CDIP1: variants seen among roughly 807,000 people sequenced by gnomAD.
CDIP1 encodes the protein cell death inducing p53 target 1.
CDIP1 carries 9 observed loss-of-function variants against 17.7 expected under a neutral mutation model. The ratio of observed to expected loss-of-function variants is 0.51; its 90% CI spans 0.31 to 0.89. CDIP1 has a LOEUF of 0.89. Ranked by LOEUF, CDIP1 falls within the 40% of genes least tolerant of loss-of-function variation. The pLI is 0.05. For synonymous variants in CDIP1, 117 were observed against 109.5 expected, an observed-to-expected ratio of 1.07 and a Z score of -0.43; for missense variants, 263 against 277.9, an observed-to-expected ratio of 0.95 and a Z score of 0.38.
intron 1 of CDIP1, among the ~76,000 whole-genome samples, chr16:4,519,626 G>A (rs2058923976): frequency 6.6e-6 from 1 of 152,198 alleles, no homozygotes; most frequent in African/African-American, 2.4e-5. Flanking sequence ...CAGTTTTGAT[G>A]ACTGATGGTG....
chr16:4,535,071 C>T (rs1282439834), intron 1 of CDIP1, among the ~76,000 whole-genome samples: 1 of 152,106 alleles, frequency 6.6e-6, no homozygotes, highest in African/African-American at 2.4e-5. Context: ...TGAAGTAATA[C>T]GGGTTGAAAT....
chr16:4,529,360 G>C (rs1273804542), intron 1 of CDIP1, among the ~76,000 whole-genome samples: 1 of 152,208 alleles, frequency 6.6e-6, no homozygotes. Context: ...AAAAACGAGT[G>C]ATAGAGCCCA....
intron 1 of CDIP1, among the ~76,000 whole-genome samples, chr16:4,520,936 T>C (rs1019853757): frequency 6.6e-6 from 1 of 152,210 alleles, no homozygotes; most frequent in Admixed American, 6.5e-5. Flanking sequence ...TTCAAATGAA[T>C]GCACGTGTGC....
intron 1 of CDIP1, among the ~76,000 whole-genome samples, chr16:4,523,342 C>A (rs374035940): frequency 2.6e-5 from 4 of 152,098 alleles, no homozygotes; most frequent in Non-Finnish European, 5.9e-5. Context: ...GGTGAAACCC[C>A]GTCTCTACTA....
intron 1 of CDIP1, among the ~76,000 whole-genome samples, chr16:4,536,055 T>C (rs1364247699): frequency 6.6e-6 from 1 of 152,238 alleles, no homozygotes; most frequent in Non-Finnish European, 1.5e-5. Flanking sequence ...GCCAAGGTCC[T>C]CTGCAGAGCT....
At position 4,513,162 on chromosome 16, in the gene CDIP1, C is replaced by T. The variant is rs2058851281; in HGVS notation, c.242-98G>A. On this transcript the variant is annotated intron_variant, in intron 4 of 5. Transcript: ENST00000567695. The surrounding 1 kb of genome is among the most constrained non-coding windows in gnomAD (Gnocchi z 4.1). ...AAGCCCCACGGTCCACAGCGCCCAG[C>T]GTGCAAGGCTACGCCTCAGACCTCC... The T allele has an allele frequency of 8.6e-6, 11 of 1,274,102 alleles. No individual in the cohort carries two copies. The highest frequency in any genetic ancestry group is 5.5e-5 in the Admixed American group (2 of 36,204). 78.9% of individuals were successfully genotyped at this position (1,274,102 alleles called of 1,614,324 possible).
intron 1 of CDIP1, among the ~76,000 whole-genome samples, chr16:4,518,821 T>C (rs1419067991): frequency 6.6e-6 from 1 of 152,204 alleles, no homozygotes; most frequent in Non-Finnish European, 1.5e-5. Context: ...CGAGTACTGT[T>C]CAAATTAAGC....
At chr16:4,536,770 T>C (rs1273828239) in intron 1 of CDIP1, 1 of 20,692 alleles carries the variant, frequency 4.8e-5, no homozygotes, top group Admixed American at 5.7e-4. Context: ...ATGCCATCTC[T>C]ACAAAAAAAA....
chr16:4,520,215 G>A (rs766336469), intron 1 of CDIP1, among the ~76,000 whole-genome samples: 8 of 151,806 alleles, frequency 5.3e-5, no homozygotes, highest in Non-Finnish European at 8.8e-5. Flanking sequence ...GGGTTCAAGC[G>A]ATTCTCCTGC....
intron 1 of CDIP1, among the ~76,000 whole-genome samples, chr16:4,527,476 A>G (rs764484757): frequency 2.6e-5 from 4 of 152,212 alleles, no homozygotes; most frequent in African/African-American, 9.6e-5. Flanking sequence ...GCCTCTAGGA[A>G]CTATGATGAT....
At position 4,514,213 on chromosome 16, in the gene CDIP1, G is replaced by C; in HGVS notation, c.-14-69C>G. 1 of 909,032 alleles carries C rather than the reference G, an allele frequency of 1.1e-6. No homozygotes were observed. The highest frequency in any genetic ancestry group is 2.2e-4 in the Middle Eastern group (1 of 4,536). The allele number at this position is 909,032 out of a possible 1,614,324, so 56.3% of individuals were successfully genotyped here. A position where few individuals can be genotyped will look rare whatever the true frequency, so the allele number is the denominator to read the frequency against. On this transcript the variant is annotated intron_variant, in intron 2 of 5. Transcript: ENST00000567695. This position sits in a 1 kb window ranked among gnomAD's most constrained non-coding sequence, Gnocchi z 5.2. ...CAGGTTCCTTCTCCTTCAGCCCTGT[G>C]GGGTGGCCAAGATGCTGCACAAGGC...
chr16:4,532,268 T>C (rs898463861), intron 1 of CDIP1: 2 of 152,242 alleles, frequency 1.3e-5, no homozygotes, highest in Non-Finnish European at 2.9e-5. Flanking sequence ...CCACACACTA[T>C]GCGTGAGGCA....
intron 1 of CDIP1, among the ~76,000 whole-genome samples, chr16:4,518,931 C>T (rs1328292256): frequency 6.6e-6 from 1 of 152,156 alleles, no homozygotes; most frequent in Non-Finnish European, 1.5e-5. Context: ...GGGATCTGCC[C>T]AGTTCCCAAC....
rs117229454 is a variant in CDIP1, at chr16:4,512,706, C to T, written c.516-23G>A. 18,639 of 1,609,334 alleles carry T rather than the reference C, an allele frequency of 0.012. 151 individuals carry two copies. Among genetic ancestry groups the T allele is most frequent in the Admixed American group, 0.014 (818 of 59,916 alleles). On this transcript the variant is annotated intron_variant, in intron 5 of 5. Coordinates refer to ENST00000567695, the MANE Select transcript of CDIP1 (RefSeq NM_013399.3). This position sits in a 1 kb window ranked among gnomAD's most constrained non-coding sequence, Gnocchi z 4.6. ...CATCTGAATCAGAGACAGGGAAGAA[C>T]AGGCTGAGGCCTGCTGCGGAGGAGG...
rs1319315143 is a variant in CDIP1 at position 4,514,190 on chromosome 16, G to C, written c.-14-46C>G. The C allele has an allele frequency of 8.6e-7, 1 of 1,157,334 alleles. No homozygotes were observed. The highest frequency in any genetic ancestry group is 1.2e-6 in the Non-Finnish European group (1 of 826,650). The allele number at this position is 1,157,334 out of a possible 1,614,324, so 71.7% of individuals were successfully genotyped here. On this transcript the variant is annotated intron_variant, in intron 2 of 5. Coordinates refer to ENST00000567695, the MANE Select transcript of CDIP1 (RefSeq NM_013399.3). This position sits in a 1 kb window ranked among gnomAD's most constrained non-coding sequence, Gnocchi z 5.2. ...CAGACATGAACTAAGCTCCCAGCCAGGTTCCTTCTCCTTCAGCCCTGTGGG... is the reference window on the plus strand; with the variant it reads ...CAGACATGAACTAAGCTCCCAGCCACGTTCCTTCTCCTTCAGCCCTGTGGG...
At chr16:4,529,945 T>C (rs2059038247) in intron 1 of CDIP1, among the ~76,000 whole-genome samples, 1 of 152,264 alleles carries the variant, frequency 6.6e-6, no homozygotes, top group South Asian at 2.1e-4. Context: ...CTTGCCTGAG[T>C]CCCCCTATTC....
intron 1 of CDIP1, among the ~76,000 whole-genome samples, chr16:4,521,617 C>T (rs2058949160): frequency 1.3e-5 from 2 of 151,238 alleles, no homozygotes; most frequent in African/African-American, 4.9e-5. Context: ...AATTCCAGCA[C>T]TCGGGGAGGC....
At chr16:4,534,276 G>C (rs2059083328) in intron 1 of CDIP1, among the ~76,000 whole-genome samples, 1 of 152,090 alleles carries the variant, frequency 6.6e-6, no homozygotes, top group African/African-American at 2.4e-5. Context: ...TTAACCCAAA[G>C]GCCACTGCCC....
At chr16:4,526,844 G>A (rs1164765131) in intron 1 of CDIP1, among the ~76,000 whole-genome samples, 1 of 152,146 alleles carries the variant, frequency 6.6e-6, no homozygotes, top group Non-Finnish European at 1.5e-5. Flanking sequence ...GTCGCAGGCA[G>A]AGCTGCAGGG....
Sources: allele counts gnomAD v4.1 joint callset (sites outside exome capture counted in the v4.1 genomes callset), GRCh38; gene constraint gnomAD v4.1.1; non-coding constraint Gnocchi (gnomAD v3.1); transcripts MANE v1.5; gene names NCBI Gene and HGNC (gene_info 2026-07-23, HGNC 2026-07-21).